Variants in PLPP1 observed in about 807,000 individuals in gnomAD.
PLPP1 encodes lipid phosphate phosphohydrolase 1a.
PLPP1 carries 24 observed loss-of-function variants against 31.2 expected under a neutral mutation model. The ratio of observed to expected loss-of-function variants is 0.77; its 90% CI spans 0.56 to 1.08. The LOEUF is 1.08. Ranked by LOEUF, PLPP1 falls within the 50% of genes least tolerant of loss-of-function variation. The probability of loss-of-function intolerance (pLI) is 0.00; values close to 1 mark genes in which losing one functional copy is unlikely to be tolerated. For synonymous variants in PLPP1, 146 were observed against 126.3 expected (o/e 1.16, Z -1.05); for missense variants, 319 against 342.7 (o/e 0.93, Z 0.55).
chr5:55,476,044 T>C (rs1280276496), intron 1 of PLPP1, among the ~76,000 whole-genome samples: 1 of 150,444 alleles, frequency 6.6e-6, no homozygotes, highest in African/African-American at 2.4e-5. Context: ...GATGGTGCGA[T>C]CATAGCTAAG....
intron 2 of PLPP1, among the ~76,000 whole-genome samples, chr5:55,473,122 T>C (rs1372498911): frequency 3.9e-5 from 6 of 152,228 alleles, no homozygotes; most frequent in Non-Finnish European, 8.8e-5. Flanking sequence ...TAGCAATCAC[T>C]CAGAAACATA....
At chr5:55,494,453 G>A (rs1401742981) in intron 1 of PLPP1, among the ~76,000 whole-genome samples, 1 of 152,172 alleles carries the variant, frequency 6.6e-6, no homozygotes, top group Non-Finnish European at 1.5e-5. Context: ...CATTTATGGT[G>A]GAAGAACATT....
At chr5:55,503,807 A>AG (rs1753198277) in intron 1 of PLPP1, among the ~76,000 whole-genome samples, 1 of 96,950 alleles carries the variant, frequency 1.0e-5, no homozygotes, top group South Asian at 5.1e-4. Flanking sequence ...GAGGAAGGGG[A>AG]GGAAGGGGAG....
chr5:55,466,573 C>T (rs536707310), intron 3 of PLPP1, among the ~76,000 whole-genome samples: 9 of 151,996 alleles, frequency 5.9e-5, no homozygotes, highest in African/African-American at 1.4e-4. Flanking sequence ...CATGGTGGCA[C>T]GTGCCTGTAG....
At chr5:55,443,192 A>AAAAAAAAAAAAAAAAATAT in intron 3 of PLPP1, among the ~76,000 whole-genome samples, 22 of 25,410 alleles carry the variant, frequency 8.7e-4, no homozygotes, top group East Asian at 1.5e-3. Flanking sequence ...AAAAAAAAAA[A>AAAAAAAAAAAAAAAAATAT]ATATATATAT....
chr5:55,505,994 T>C (rs1264834851), intron 1 of PLPP1, among the ~76,000 whole-genome samples: 4 of 152,114 alleles, frequency 2.6e-5, no homozygotes, highest in African/African-American at 9.7e-5. Context: ...GAGGCAGAGG[T>C]TGCAGGGAGC....
chr5:55,458,887 C>CAAAAAAA (rs529067608), intron 3 of PLPP1, among the ~76,000 whole-genome samples: 264 of 21,070 alleles, frequency 0.013, 37 homozygotes, highest in Non-Finnish European at 0.022. Flanking sequence ...ACCCTGTCTC[C>CAAAAAAA]AAAAAAAAAA....
intron 4 of PLPP1, among the ~76,000 whole-genome samples, chr5:55,431,752 A>G (rs549839108): frequency 1.8e-4 from 27 of 152,314 alleles, no homozygotes; most frequent in Non-Finnish European, 3.5e-4. Context: ...AAAATACTAA[A>G]GAGCAGAGCA....
intron 1 of PLPP1, among the ~76,000 whole-genome samples, chr5:55,487,683 AAAAT>A (rs1353758957): frequency 6.6e-6 from 1 of 152,182 alleles, no homozygotes; most frequent in Non-Finnish European, 1.5e-5. Flanking sequence ...CATTTTATAG[AAAAT>A]AAATTATTTT....
At chr5:55,448,843 C>G (rs1751829526) in intron 3 of PLPP1, among the ~76,000 whole-genome samples, 1 of 152,154 alleles carries the variant, frequency 6.6e-6, no homozygotes. Context: ...CATGGATGCT[C>G]AAGTCCCTGA....
At chr5:55,533,690 C>CTTTGT (rs1740765831) in intron 1 of PLPP1, among the ~76,000 whole-genome samples, 1 of 152,154 alleles carries the variant, frequency 6.6e-6, no homozygotes, top group South Asian at 2.1e-4. Flanking sequence ...GCAGCTCTTG[C>CTTTGT]TTTGTTTTTG....
At chr5:55,460,950 C>A (rs1201003236) in intron 3 of PLPP1, among the ~76,000 whole-genome samples, 1 of 152,120 alleles carries the variant, frequency 6.6e-6, no homozygotes, top group Non-Finnish European at 1.5e-5. Context: ...CTTTGGGCAC[C>A]AAGGTGGGCA....
Position 55,426,030 on chromosome 5 carries a change from G to A in PLPP1, c.559C>T (p.Gln187Ter). The change falls in exon 5 of 6, where the codon CAA becomes TAA. Residue 187 changes from glutamine to a stop codon, truncating the protein, a stop_gained. Coordinates refer to ENST00000307259, the MANE Select transcript of PLPP1 (RefSeq NM_003711.4). LOFTEE classifies it high-confidence loss of function. ...YCMLFVALYLQARMKGDWARL... is the reference protein window; with the variant it reads ...YCMLFVALYL ...GCCCAGTCTCCCTTCATCCTGGCTT[G>A]AAGATAAAGCTAAAAGAAAAGAATA... The A allele has an allele frequency of 6.3e-7, 1 of 1,587,640 alleles. No individual in the cohort carries two copies. Among genetic ancestry groups the A allele is most frequent in the Non-Finnish European group, 8.5e-7 (1 of 1,172,558 alleles).
intron 3 of PLPP1, among the ~76,000 whole-genome samples, chr5:55,456,797 CT>C (rs901083634): frequency 2.6e-5 from 4 of 152,188 alleles, no homozygotes; most frequent in Non-Finnish European, 4.4e-5. Context: ...CTTTCTAAAA[CT>C]TTTTCTATAT....
At chr5:55,448,274 A>G (rs1165114336) in intron 3 of PLPP1, among the ~76,000 whole-genome samples, 7 of 152,178 alleles carry the variant, frequency 4.6e-5, no homozygotes, top group African/African-American at 1.7e-4. Flanking sequence ...TGAATGAGAA[A>G]ATGAGCACTC....
intron 1 of PLPP1, among the ~76,000 whole-genome samples, chr5:55,514,466 C>A (rs893305678): frequency 1.3e-5 from 2 of 152,116 alleles, no homozygotes; most frequent in African/African-American, 4.8e-5. Context: ...TCATATCCCC[C>A]CACCATAAAA....
intron 1 of PLPP1, among the ~76,000 whole-genome samples, chr5:55,529,282 C>T (rs1373922283): frequency 7.8e-6 from 1 of 128,456 alleles, no homozygotes; most frequent in Non-Finnish European, 1.7e-5. Flanking sequence ...TATATATATA[C>T]ATATACATCT....
At chr5:55,466,942 GCTA>G (rs746406414) in intron 3 of PLPP1, among the ~76,000 whole-genome samples, 6 of 152,290 alleles carry the variant, frequency 3.9e-5, no homozygotes, top group Non-Finnish European at 8.8e-5. Context: ...AATTGGCTCT[GCTA>G]CTAATTAGTG....
intron 2 of PLPP1, 65 bp from the exon 3 acceptor site, chr5:55,468,214 A>C: frequency 2.2e-6 from 3 of 1,369,836 alleles, no homozygotes; most frequent in Non-Finnish European, 3.0e-6. Context: ...AAAACAAAAC[A>C]TAGGGGGAAA....
Sources: gnomAD v4.1 joint callset for allele counts (sites outside exome capture counted in the v4.1 genomes callset) on GRCh38, gnomAD v4.1.1 for gene constraint, MANE v1.5 for transcripts, NCBI Gene and HGNC (gene_info 2026-07-23, HGNC 2026-07-21) for gene names.